The following CEP192 variants were observed in gnomAD, a reference collection of about 807,000 sequenced individuals.
CEP192 encodes the protein centrosomal protein 192.
In CEP192, 151 loss-of-function variants were observed where a neutral mutation model predicts 271.8. The observed-to-expected ratio is 0.56, with a 90% CI of 0.49 to 0.64. The LOEUF is 0.64. CEP192 is among the 30% of genes least tolerant of loss of function. The pLI is 0.00. For missense variants in CEP192, 2,910 were observed against 3,020.5 expected (o/e 0.96, Z 0.86); for synonymous variants, 995 against 1,076.5 (o/e 0.92, Z 1.48).
intron 31 of CEP192, 103 bp downstream of exon 31, chr18:13,087,380 T>C: frequency 1.8e-6 from 2 of 1,137,866 alleles, no homozygotes; most frequent in Non-Finnish European, 2.5e-6. Context: ...GAAAATAATG[T>C]AGGAATAGAA....
At position 13,049,514 on chromosome 18, in the gene CEP192, C is replaced by T; in HGVS notation, c.2723C>T (p.Ser908Leu). 6.2e-7 allele frequency: 1 copy of T among 1,613,974 alleles called. No individual in the cohort carries two copies. Among genetic ancestry groups the T allele is most frequent in the African/African-American group, 1.3e-5 (1 of 74,968 alleles). Residue 908 changes from serine (S) to leucine (L), a missense_variant, in exon 16 of 45, where the codon TCA (serine) becomes TTA (leucine). By Grantham distance (145) the Ser-to-Leu change is moderately radical. Transcript: ENST00000506447. ...ATTTCCACTCCATCTGATAGTTATT[C>T]ATCAGTGAGGAACCCCAGAATAACA... Reference protein sequence around the residue: ...TSISTPSDSYSSVRNPRITSL... With the variant: ...TSISTPSDSYLSVRNPRITSL...
intron 44 of CEP192, among the ~76,000 whole-genome samples, chr18:13,123,872 G>A (rs1304774187): frequency 6.6e-6 from 1 of 152,082 alleles, no homozygotes; most frequent in Non-Finnish European, 1.5e-5. Flanking sequence ...TTTGATGAAA[G>A]TTTCCGGCCG....
chr18:13,068,175 G>T lies in CEP192; in HGVS notation c.4696G>T (p.Val1566Phe). The T allele has an allele frequency of 1.2e-6, 2 of 1,614,270 alleles. No individual in the cohort carries two copies. The highest frequency in any genetic ancestry group is 1.7e-6 in the Non-Finnish European group (2 of 1,180,050). The part of the protein sequence containing the change: ...PVEVAPCADV[V>F]TRLAGPSVVN... ...GGAAGTTGCTCCTTGCGCTGATGTG[G>T]TCACTCGGCTAGCAGGCCCTTCTGT... is the stretch of plus-strand genomic sequence containing the variant. The change falls in exon 23 of 45, where the codon GTC becomes TTC. Residue 1566 changes from valine (V) to phenylalanine (F), a missense_variant. Val to Phe is a conservative substitution (Grantham distance 50). Transcript: ENST00000506447.
chr18:12,994,177 A>C (rs1442281269), intron 1 of CEP192, among the ~76,000 whole-genome samples: 2 of 152,250 alleles, frequency 1.3e-5, no homozygotes, highest in African/African-American at 4.8e-5. Flanking sequence ...TCATTGGAAG[A>C]AGACAGATAA....
chr18:13,015,362 A>G lies in CEP192; in HGVS notation c.554A>G (p.Asp185Gly). Residue 185 changes from aspartate (D) to glycine (G), a missense_variant, in exon 6 of 45, where the codon GAC becomes GGC. Coordinates refer to ENST00000506447, the MANE Select transcript of CEP192 (RefSeq NM_032142.4). ...CTTGATGCTGGAAAACATTTTGAAG[A>G]CAAGACTCTAAAGAGTGACCTAAGC... ...VVLDAGKHFE[D>G]KTLKSDLSHT... The G allele has an allele frequency of 1.9e-6, 3 of 1,550,296 alleles. No homozygotes were observed. The highest frequency in any genetic ancestry group is 2.6e-6 in the Non-Finnish European group (3 of 1,146,514).
intron 1 of CEP192, among the ~76,000 whole-genome samples, chr18:12,996,105 G>A (rs1428504460): frequency 3.4e-4 from 51 of 152,038 alleles, no homozygotes; most frequent in Admixed American, 6.6e-5. Context: ...TTTCGTGTGT[G>A]GAGAGTAGAC....
intron 30 of CEP192, among the ~76,000 whole-genome samples, chr18:13,074,229 T>C (rs2038159384): frequency 6.6e-6 from 1 of 152,218 alleles, no homozygotes. Flanking sequence ...GTATGACAAA[T>C]ACAGCTTTGA....
At chr18:13,081,379 C>T (rs1032564268) in intron 30 of CEP192, among the ~76,000 whole-genome samples, 11 of 152,206 alleles carry the variant, frequency 7.2e-5, no homozygotes, top group Middle Eastern at 3.4e-3. Context: ...ATGTATGTGT[C>T]CAGGAATTTA....
At chr18:13,082,530 G>T (rs1273691742) in intron 30 of CEP192, among the ~76,000 whole-genome samples, 4 of 145,574 alleles carry the variant, frequency 2.7e-5, no homozygotes, top group Non-Finnish European at 4.5e-5. Context: ...CACGTGAGAT[G>T]GGTCTCCTGA....
chr18:13,091,163 AGAG>A (rs2039129645), intron 33 of CEP192, among the ~76,000 whole-genome samples: 1 of 152,218 alleles, frequency 6.6e-6, no homozygotes, highest in South Asian at 2.1e-4. Context: ...ACTTGAAGAA[AGAG>A]GAGGAGTTGG....
At chr18:13,122,513 A>C (rs1164544134) in intron 44 of CEP192, among the ~76,000 whole-genome samples, 1 of 152,232 alleles carries the variant, frequency 6.6e-6, no homozygotes, top group Non-Finnish European at 1.5e-5. Context: ...CCAGGGAAAC[A>C]GAGGTTGCAG....
rs144612389 is a variant in CEP192, at chr18:13,007,162, A to G, written c.291-1294A>G. Among the ~76,000 whole-genome samples the G allele has an allele frequency of 5.5e-3, 837 of 152,230 alleles. 10 individuals carry two copies. Among genetic ancestry groups the G allele is most frequent in the African/African-American group, 0.018 (752 of 41,502 alleles). Reference sequence around the variant, plus strand: ...CCCCTGCACACCCCATCTGCTTTTCAGATTCCAGAATCTGGGGTAAGCGTG... The same window carrying G: ...CCCCTGCACACCCCATCTGCTTTTCGGATTCCAGAATCTGGGGTAAGCGTG... On this transcript the variant is annotated intron_variant, in intron 3 of 44. Coordinates refer to ENST00000506447, the MANE Select transcript of CEP192 (RefSeq NM_032142.4).
Position 12,999,516 on chromosome 18 carries a change from C to G in CEP192, c.92C>G (p.Thr31Ser). 6.4e-7 allele frequency: 1 copy of G among 1,551,026 alleles called. No individual in the cohort carries two copies. The highest frequency in any genetic ancestry group is 8.7e-7 in the Non-Finnish European group (1 of 1,146,706). ...FGNSGILENV[T>S]LSSNLGLPVA... ...AACAGTGGGATTTTGGAAAATGTCA[C>G]TCTTTCTTCAAATCTTGGCTTGCCT... is the stretch of plus-strand genomic sequence containing the variant. The change falls in exon 2 of 45, where the codon ACT (threonine) becomes AGT (serine). Residue 31 changes from threonine (T) to serine (S), a missense_variant. By Grantham distance (58) the Thr-to-Ser change is moderately conservative. Transcript: ENST00000506447.
chr18:13,036,464 C>T (rs1484165149), intron 11 of CEP192, among the ~76,000 whole-genome samples: 2 of 152,234 alleles, frequency 1.3e-5, no homozygotes, highest in Admixed American at 1.3e-4. Context: ...TCTGCTCCAA[C>T]CCTGCAGTGC....
chr18:13,054,766 G>A, intron 18 of CEP192, among the ~76,000 whole-genome samples: 1 of 152,134 alleles, frequency 6.6e-6, no homozygotes, highest in South Asian at 2.1e-4. Context: ...CTTTGGCCAG[G>A]AGAAATTTAT....
intron 43 of CEP192, among the ~76,000 whole-genome samples, chr18:13,117,362 CAT>C (rs1055554643): frequency 6.6e-6 from 1 of 152,138 alleles, no homozygotes; most frequent in African/African-American, 2.4e-5. Flanking sequence ...ATTATACACA[CAT>C]ATTTCTGGAC....
At chr18:13,045,912 C>T (rs1476210763) in intron 15 of CEP192, among the ~76,000 whole-genome samples, 2 of 152,144 alleles carry the variant, frequency 1.3e-5, no homozygotes, top group East Asian at 1.9e-4. Context: ...CATTATTTTA[C>T]TTTTAATCTT....
Position 12,999,403 on chromosome 18 carries a change from A to G in CEP192, c.-4-18A>G. ...TTATAGTAATATGTGACCTATAGAA[A>G]TACTTTTGTTATTGCAGTGAGATGG... On this transcript the variant is annotated intron_variant, in intron 1 of 44. Transcript: ENST00000506447. 2.0e-6 allele frequency: 3 copies of G among 1,500,828 alleles called. No homozygotes were observed. The highest frequency in any genetic ancestry group is 2.7e-6 in the Non-Finnish European group (3 of 1,118,518). 93.0% of individuals were successfully genotyped at this position (1,500,828 alleles called of 1,614,324 possible).
chr18:13,044,804 C>A (rs908113978), intron 15 of CEP192, among the ~76,000 whole-genome samples: 2 of 152,146 alleles, frequency 1.3e-5, no homozygotes, highest in South Asian at 2.1e-4. Flanking sequence ...TTACTGGTCT[C>A]ATTTTTTCTG....
Sources: allele counts gnomAD v4.1 joint callset (sites outside exome capture counted in the v4.1 genomes callset), GRCh38; gene constraint gnomAD v4.1.1; transcripts MANE v1.5; gene names NCBI Gene and HGNC (gene_info 2026-07-23, HGNC 2026-07-21).